GPR160: variants seen among roughly 807,000 people sequenced by gnomAD.
GPR160 encodes the protein G protein-coupled receptor 160, also known as probable G protein-coupled receptor 160.
In GPR160, 2 loss-of-function variants were observed where a neutral mutation model predicts 2.6. The ratio of observed to expected loss-of-function variants is 0.77; its 90% confidence interval spans 0.32 to 2.44. The LOEUF (loss-of-function observed/expected upper bound fraction) is 2.44, where lower values mean the gene tolerates loss of function less well. GPR160 is among the 30% of genes most tolerant of loss of function. The pLI is 0.11. For synonymous variants in GPR160, 130 were observed against 132.2 expected (o/e 0.98, Z 0.12); for missense variants, 351 against 383.6 (o/e 0.91, Z 0.71).
chr3:170,043,786 C>T (rs937788630), intron 2 of GPR160, among the ~76,000 whole-genome samples: 8 of 151,952 alleles, frequency 5.3e-5, no homozygotes, highest in African/African-American at 1.9e-4. Context: ...TTCTGTCGGG[C>T]CAGCATAGAG....
chr3:170,077,185 C>T (rs1032848740), intron 2 of GPR160: 2 of 152,232 alleles, frequency 1.3e-5, no homozygotes, highest in South Asian at 2.1e-4. Context: ...TTCTACACAA[C>T]AGTAAACCAG....
chr3:170,068,301 T>C (rs115776222), intron 2 of GPR160, among the ~76,000 whole-genome samples: 1,838 of 152,158 alleles, frequency 0.012, 19 homozygotes, highest in Non-Finnish European at 0.018. Flanking sequence ...TGCACCACCA[T>C]GCCCCACTAA....
chr3:170,069,385 G>A (rs1212530066), intron 2 of GPR160, among the ~76,000 whole-genome samples: 2 of 152,212 alleles, frequency 1.3e-5, no homozygotes, highest in Admixed American at 6.5e-5. Flanking sequence ...GCTTCAGTCT[G>A]TATTCACTGT....
chr3:170,046,940 T>G (rs1005929981), intron 2 of GPR160, among the ~76,000 whole-genome samples: 2 of 152,098 alleles, frequency 1.3e-5, no homozygotes, highest in African/African-American at 2.4e-5. Flanking sequence ...GAGGAAGCAC[T>G]TTAGAGATTG....
At position 170,062,554 on chromosome 3, in the gene GPR160, C is replaced by T. The variant is rs1402787671; in HGVS notation, c.-192-17220C>T. The T allele has an allele frequency of 6.8e-6, 5 of 736,734 alleles. No homozygotes were observed. The African/African-American group carries it at 8.8e-5, about 13-fold the overall frequency. The allele number at this position is 736,734 out of a possible 1,614,324, so 45.6% of individuals were successfully genotyped here. A position where few individuals can be genotyped will look rare whatever the true frequency, so the allele number is the denominator to read the frequency against. Reference sequence around the variant, plus strand: ...AAGCCCAAGCACAGAAGATCAAAGACGCCAGGAGAGGACCCCTCGCACCTT... The same window carrying T: ...AAGCCCAAGCACAGAAGATCAAAGATGCCAGGAGAGGACCCCTCGCACCTT... On this transcript the variant is annotated intron_variant, in intron 2 of 3. Transcript: ENST00000355897.
chr3:170,071,764 C>G (rs2108339352), intron 2 of GPR160, among the ~76,000 whole-genome samples: 1 of 152,302 alleles, frequency 6.6e-6, no homozygotes, highest in South Asian at 2.1e-4. Flanking sequence ...CCACTGCACT[C>G]CAGCCTGGGC....
intron 2 of GPR160, among the ~76,000 whole-genome samples, chr3:170,050,479 T>C (rs1716911734): frequency 6.6e-6 from 1 of 151,604 alleles, no homozygotes. Flanking sequence ...TGCAATCTGC[T>C]CACCATAACC....
chr3:170,072,319 C>T (rs1300596692), intron 2 of GPR160, among the ~76,000 whole-genome samples: 1 of 152,130 alleles, frequency 6.6e-6, no homozygotes, highest in Non-Finnish European at 1.5e-5. Context: ...AAGTGATCCA[C>T]CTGCCTCAGC....
intron 2 of GPR160, among the ~76,000 whole-genome samples, chr3:170,050,804 A>T (rs1215012863): frequency 6.6e-6 from 1 of 152,216 alleles, no homozygotes; most frequent in African/African-American, 2.4e-5. Flanking sequence ...TGTATTGCTG[A>T]GTAGCATACA....
chr3:170,051,322 G>A (rs558932005), intron 2 of GPR160, among the ~76,000 whole-genome samples: 6 of 152,072 alleles, frequency 3.9e-5, no homozygotes, highest in Non-Finnish European at 7.4e-5. Flanking sequence ...TTGATGACAC[G>A]TCTAGTTACA....
chr3:170,084,349 A>T lies in GPR160; in HGVS notation c.377A>T (p.Lys126Ile), dbSNP rs1198480507. The T allele has an allele frequency of 1.2e-6, 2 of 1,609,542 alleles. No individual in the cohort carries two copies. Among genetic ancestry groups the T allele is most frequent in the Non-Finnish European group, 1.7e-6 (2 of 1,177,170 alleles). The change falls in exon 4 of 4, where the codon AAA (lysine) becomes ATA (isoleucine). Residue 126 changes from lysine (K) to isoleucine (I), a missense_variant. Physicochemically the swap from Lys to Ile is moderately radical, Grantham distance 102 (BLOSUM62 -3). Coordinates refer to ENST00000355897, the MANE Select transcript of GPR160 (RefSeq NM_014373.3). ...ACIDYCLNFS[K>I]TTKLSFKCQK... ...ATAGATTATTGCCTGAATTTCTCTA[A>T]AACAACCAAGCTTTCATTTAAGTGT...
chr3:170,055,275 C>T (rs959123057), intron 2 of GPR160, among the ~76,000 whole-genome samples: 1 of 152,132 alleles, frequency 6.6e-6, no homozygotes, highest in Non-Finnish European at 1.5e-5. Context: ...GAGAACTGGA[C>T]CCCGGCTGAT....
At chr3:170,063,799 G>C (rs1712128427) in intron 2 of GPR160, among the ~76,000 whole-genome samples, 1 of 152,122 alleles carries the variant, frequency 6.6e-6, no homozygotes, top group Non-Finnish European at 1.5e-5. Context: ...CAGTAAGCTT[G>C]TCTTCCCCGT....
chr3:170,044,982 G>A (rs575742971), intron 2 of GPR160, among the ~76,000 whole-genome samples: 32 of 152,260 alleles, frequency 2.1e-4, no homozygotes, highest in Non-Finnish European at 3.7e-4. Flanking sequence ...TAAGGGTCAC[G>A]GGGCAAACAT....
intron 2 of GPR160, among the ~76,000 whole-genome samples, chr3:170,066,381 C>T (rs1712346747): frequency 6.6e-6 from 1 of 151,848 alleles, no homozygotes; most frequent in Non-Finnish European, 1.5e-5. Flanking sequence ...CCTCATGATT[C>T]GCCCGCCTCG....
At chr3:170,042,682 TA>T (rs1188964861) in intron 2 of GPR160, among the ~76,000 whole-genome samples, 3 of 145,348 alleles carry the variant, frequency 2.1e-5, no homozygotes, top group East Asian at 2.0e-4. Flanking sequence ...AAAAAATAAA[TA>T]AATAATAATA....
At chr3:170,077,259 TTTTCTA>T (rs1712901594) in intron 2 of GPR160, 1 of 152,188 alleles carries the variant, frequency 6.6e-6, no homozygotes, top group African/African-American at 2.4e-5. Flanking sequence ...TTTTTTAAAC[TTTTCTA>T]AGATTGCATG....
intron 2 of GPR160, among the ~76,000 whole-genome samples, chr3:170,056,410 G>C (rs1711645216): frequency 6.6e-6 from 1 of 152,130 alleles, no homozygotes; most frequent in Admixed American, 6.5e-5. Flanking sequence ...AGGAAGCAGG[G>C]GACATAATCT....
chr3:170,042,066 T>C (rs911379829), intron 2 of GPR160, among the ~76,000 whole-genome samples: 1 of 151,926 alleles, frequency 6.6e-6, no homozygotes, highest in Non-Finnish European at 1.5e-5. Flanking sequence ...GAAAGAGTGT[T>C]GGCAATCTAG....
Sources: gnomAD v4.1 joint callset for allele counts (sites outside exome capture counted in the v4.1 genomes callset) on GRCh38, gnomAD v4.1.1 for gene constraint, MANE v1.5 for transcripts, NCBI Gene and HGNC (gene_info 2026-07-23, HGNC 2026-07-21) for gene names.